LRRK2: variants seen among roughly 807,000 people sequenced by gnomAD.
LRRK2 encodes leucine rich repeat kinase 2.
Under a neutral mutation model 302.6 loss-of-function variants are expected in LRRK2, and 203 were observed. That is an observed-to-expected ratio of 0.67 (90% CI 0.60 to 0.75). The LOEUF (loss-of-function observed/expected upper bound fraction) is 0.75. LRRK2 is among the 30% of genes least tolerant of loss of function. The probability of loss-of-function intolerance (pLI) is 0.00; values close to 1 mark genes in which losing one functional copy is unlikely to be tolerated. For synonymous variants in LRRK2, 1,066 were observed against 1,031.9 expected, an observed-to-expected ratio of 1.03 and a Z score of -0.63; for missense variants, 2,830 against 2,951.0, an observed-to-expected ratio of 0.96 and a Z score of 0.95.
Position 40,225,201 on chromosome 12 carries a change from A to G in LRRK2, c.70A>G (p.Asn24Asp). 1 of 1,614,170 alleles carries G rather than the reference A, an allele frequency of 6.2e-7. No individual in the cohort carries two copies. Among genetic ancestry groups the G allele is most frequent in the Non-Finnish European group, 8.5e-7 (1 of 1,180,000 alleles). The change falls in exon 1 of 51, where the codon AAC (asparagine) becomes GAC (aspartate). Residue 24 changes from asparagine to aspartate, a missense_variant. Around this residue, in one of 3 missense-constraint regions of LRRK2, gnomAD observed 2,121 missense variants for 2,148.0 expected, o/e 0.99. Coordinates refer to ENST00000298910, the MANE Select transcript of LRRK2 (RefSeq NM_198578.4). ...TCTGAAGAAGTTGATAGTCAGGCTG[A>G]ACAATGTCCAGGAAGGAAAACAGAT... ...ETLKKLIVRL[N>D]NVQEGKQIET... is the part of the protein sequence containing the mutation.
intron 37 of LRRK2, among the ~76,000 whole-genome samples, chr12:40,322,954 G>A (rs1382629577): frequency 1.3e-5 from 2 of 152,016 alleles, no homozygotes; most frequent in African/African-American, 2.4e-5. Flanking sequence ...GTGAACGTAG[G>A]AATAAGTTTT....
chr12:40,298,361 C>G lies in LRRK2; in HGVS notation c.3215C>G (p.Pro1072Arg). 1 of 1,613,740 alleles carries G rather than the reference C, an allele frequency of 6.2e-7. No homozygotes were observed. The highest frequency in any genetic ancestry group is 2.2e-5 in the East Asian group (1 of 44,850). The change falls in exon 24 of 51, where the codon CCC (proline) becomes CGC (arginine). Residue 1072 changes from proline (P) to arginine (R), a missense_variant. Physicochemically the swap from Pro to Arg is moderately radical, Grantham distance 103. Coordinates refer to ENST00000298910, the MANE Select transcript of LRRK2 (RefSeq NM_198578.4). ...NLDVSRNDIG[P>R]SVVLDPTVKC... is the part of the protein sequence containing the mutation. ...GATGTCTCTCGAAATGACATTGGAC[C>G]CTCAGTGGTTTTAGATCCTACAGTG...
At chr12:40,237,274 A>G (rs1275260324) in intron 4 of LRRK2, among the ~76,000 whole-genome samples, 2 of 152,170 alleles carry the variant, frequency 1.3e-5, no homozygotes, top group Non-Finnish European at 2.9e-5. Flanking sequence ...AGATTCCAGC[A>G]AGGGATTTGC....
At chr12:40,288,643 G>A (rs1170299596) in intron 20 of LRRK2, among the ~76,000 whole-genome samples, 1 of 151,800 alleles carries the variant, frequency 6.6e-6, no homozygotes, top group Non-Finnish European at 1.5e-5. Flanking sequence ...TGTTCTAGTG[G>A]AGGTTTAATT....
At chr12:40,351,461 C>G in intron 43 of LRRK2, 78 bp from the exon 44 acceptor site, 4 of 1,397,354 alleles carry the variant, frequency 2.9e-6, no homozygotes, top group Non-Finnish European at 4.0e-6. Flanking sequence ...AGCTATAACA[C>G]TTCAGTCTAT....
chr12:40,294,893 T>C lies in LRRK2; in HGVS notation c.2857T>C (p.Leu953=), dbSNP rs7966550. 0.11 allele frequency: 165,704 copies of C among 1,543,352 alleles called. 9,795 individuals are homozygous for C. Among genetic ancestry groups the C allele is most frequent in the East Asian group, 0.16 (6,885 of 44,118 alleles). Residue 953 remains leucine (L), a synonymous_variant, in exon 22 of 51, where the codon TTA becomes CTA. Transcript: ENST00000298910. ...EDLLKRKRKI[L]SSDDSLRSSK... is the part of the protein sequence containing the mutation. ...TTTACTGAAGCGAAAAAGAAAAATATTATCTTCAGATGATTCACTCAGTAA... is the reference window on the plus strand; with the variant it reads ...TTTACTGAAGCGAAAAAGAAAAATACTATCTTCAGATGATTCACTCAGTAA...
chr12:40,367,554 CA>C, intron 50 of LRRK2, 89 bp from the exon 51 acceptor site: 1 of 1,250,592 alleles, frequency 8.0e-7, no homozygotes, highest in East Asian at 2.4e-5. Context: ...TTATCTAAGT[CA>C]ACTAAAAATA....
At chr12:40,328,088 A>G (rs544638236) in intron 38 of LRRK2, among the ~76,000 whole-genome samples, 2 of 152,300 alleles carry the variant, frequency 1.3e-5, no homozygotes, top group Admixed American at 6.5e-5. Context: ...AATTCTCTAC[A>G]TTAAAGGGAT....
chr12:40,357,109 C>A (rs937609408), intron 46 of LRRK2, among the ~76,000 whole-genome samples: 1 of 152,168 alleles, frequency 6.6e-6, no homozygotes, highest in East Asian at 1.9e-4. Flanking sequence ...TCCTCCCAAG[C>A]CTCTGGTAAC....
At chr12:40,255,460 A>G (rs1942461283) in intron 11 of LRRK2, among the ~76,000 whole-genome samples, 1 of 152,200 alleles carries the variant, frequency 6.6e-6, no homozygotes, top group African/African-American at 2.4e-5. Context: ...TGTTCTATAA[A>G]GTCTAACGTG....
In LRRK2 at chr12:40,309,126, A is replaced by G; in HGVS notation, c.4210A>G (p.Thr1404Ala). 6.2e-7 allele frequency: 1 copy of G among 1,613,756 alleles called. No individual in the cohort carries two copies. Among genetic ancestry groups the G allele is most frequent in the Non-Finnish European group, 8.5e-7 (1 of 1,179,852 alleles). Reference sequence around the variant, plus strand: ...TTTAGGTCGTGAGGAATTCTATAGTACTCATCCCCATTTTATGACGCAGCG... The same window carrying G: ...TTTAGGTCGTGAGGAATTCTATAGTGCTCATCCCCATTTTATGACGCAGCG... ...DFAGREEFYS[T>A]HPHFMTQRAL... The change falls in exon 30 of 51, where the codon ACT becomes GCT. Residue 1404 changes from threonine to alanine, a missense_variant. Physicochemically the swap from Thr to Ala is moderately conservative, Grantham distance 58. Around this residue, in one of 3 missense-constraint regions of LRRK2, gnomAD observed 2,121 missense variants for 2,148.0 expected, o/e 0.99. Coordinates refer to ENST00000298910, the MANE Select transcript of LRRK2 (RefSeq NM_198578.4).
At chr12:40,250,082 G>A (rs1942186494) in intron 8 of LRRK2, 137 bp downstream of exon 8, 2 of 1,080,412 alleles carry the variant, frequency 1.9e-6, no homozygotes, top group East Asian at 2.6e-5. Context: ...TTCCAGTAGA[G>A]GATACTTTCA....
In LRRK2 at chr12:40,274,845, T is replaced by A. The variant is rs202166519; in HGVS notation, c.1802-9T>A. 2 of 1,609,354 alleles carry A rather than the reference T, an allele frequency of 1.2e-6. No individual in the cohort carries two copies. Among genetic ancestry groups the A allele is most frequent in the Non-Finnish European group, 1.7e-6 (2 of 1,176,136 alleles). Reference sequence around the variant, plus strand: ...GATTTAAAACAATTCTTTTTTTTTATTTTCCTAGAAATTCAGTGTCTGGGT... The same window carrying A: ...GATTTAAAACAATTCTTTTTTTTTAATTTCCTAGAAATTCAGTGTCTGGGT... On this transcript the variant is annotated splice_polypyrimidine_tract_variant and intron_variant, in intron 15 of 50. Coordinates refer to ENST00000298910, the MANE Select transcript of LRRK2 (RefSeq NM_198578.4).
rs747106965 is a variant in LRRK2, at chr12:40,313,988, T to C, written c.4553T>C (p.Val1518Ala). Residue 1518 changes from valine to alanine, a missense_variant, in exon 32 of 51, where the codon GTT becomes GCT. Val to Ala is a moderately conservative substitution (Grantham distance 64, BLOSUM62 0). Around this residue, in one of 3 missense-constraint regions of LRRK2, gnomAD observed 2,121 missense variants for 2,148.0 expected, o/e 0.99. Coordinates refer to ENST00000298910, the MANE Select transcript of LRRK2 (RefSeq NM_198578.4). ...SLNFKIRDQL[V>A]VGQLIPDCYV... is the part of the protein sequence containing the mutation. ...ATTTCATAGATCCGAGATCAGCTTG[T>C]TGTTGGACAGCTGATTCCAGACTGC... is the stretch of plus-strand genomic sequence containing the variant. 8.7e-6 allele frequency: 14 copies of C among 1,611,318 alleles called. No individual in the cohort carries two copies. Among genetic ancestry groups the C allele is most frequent in the Non-Finnish European group, 1.1e-5 (13 of 1,178,462 alleles).
At position 40,295,427 on chromosome 12, in the gene LRRK2, G is replaced by T; in HGVS notation, c.2879G>T (p.Arg960Met). 1 of 1,610,970 alleles carries T rather than the reference G, an allele frequency of 6.2e-7. No individual in the cohort carries two copies. The highest frequency in any genetic ancestry group is 2.2e-5 in the East Asian group (1 of 44,840). ...ATTGTTTGTTTGTTTTTGACAAAAG[G>T]GTCATCAAAACTTCAATCCCATATG... ...RKILSSDDSL[R>M]SSKLQSHMRH... The change falls in exon 23 of 51, where the codon AGG (arginine) becomes ATG (methionine). Residue 960 changes from arginine to methionine, a missense_variant and splice_region_variant. Coordinates refer to ENST00000298910, the MANE Select transcript of LRRK2 (RefSeq NM_198578.4).
intron 20 of LRRK2, among the ~76,000 whole-genome samples, chr12:40,290,262 G>A (rs2136688741): frequency 6.6e-6 from 1 of 152,048 alleles, no homozygotes; most frequent in African/African-American, 2.4e-5. Flanking sequence ...CATTCCTGGA[G>A]TAAATCTCAC....
At chr12:40,341,944 C>G (rs1946057196) in intron 41 of LRRK2, among the ~76,000 whole-genome samples, 1 of 152,192 alleles carries the variant, frequency 6.6e-6, no homozygotes, top group African/African-American at 2.4e-5. Context: ...GGATGAAATT[C>G]CATAGACCTG....
chr12:40,302,941 A>G (rs1944683694), intron 26 of LRRK2, 59 bp downstream of exon 26: 1 of 1,182,784 alleles, frequency 8.5e-7, no homozygotes, highest in African/African-American at 1.5e-5. Context: ...ACCTTTAGAA[A>G]CATGATTTCG....
intron 2 of LRRK2, among the ~76,000 whole-genome samples, chr12:40,226,796 C>T (rs999330034): frequency 4.6e-5 from 7 of 152,106 alleles, no homozygotes; most frequent in Non-Finnish European, 1.0e-4. Context: ...ACTTTTTGGG[C>T]ACTGGCCTAT....
Sources: gnomAD v4.1 joint callset for allele counts (sites outside exome capture counted in the v4.1 genomes callset) on GRCh38, gnomAD v4.1.1 for gene constraint, gnomAD v4.1.1 regional missense constraint, MANE v1.5 for transcripts, NCBI Gene and HGNC (gene_info 2026-07-23, HGNC 2026-07-21) for gene names.